FOXJ1: variants seen among roughly 807,000 people sequenced by gnomAD.
FOXJ1 encodes the protein forkhead box protein J1.
Under a neutral mutation model 29.3 loss-of-function variants are expected in FOXJ1, and 8 were observed. The observed-to-expected ratio is 0.27, with a 90% confidence interval of 0.16 to 0.49. FOXJ1 has a LOEUF of 0.49. FOXJ1 is among the 20% of genes least tolerant of loss of function. The pLI is 0.98. For synonymous variants in FOXJ1, 280 were observed against 278.7 expected (o/e 1.00, Z -0.05); for missense variants, 539 against 595.5 (o/e 0.91, Z 0.99).
Position 76,138,589 on chromosome 17 carries a change from A to C in FOXJ1, c.499-469T>G, listed in dbSNP as rs112174209. On this transcript the variant is annotated intron_variant, in intron 2 of 2. Transcript: ENST00000322957. ...GAGAGGAAGGGGGAGAGAGAGAGAG[A>C]GCGCGCAGGGATGAGAGGTGGGGGA... is the stretch of plus-strand genomic sequence containing the variant. 7.3e-3 allele frequency among the ~76,000 whole-genome samples: 1,104 copies of C among 151,244 alleles called. 13 individuals carry two copies. Among genetic ancestry groups the C allele is most frequent in the African/African-American group, 0.025 (1,046 of 41,152 alleles).
chr17:76,137,879 G>T lies in FOXJ1; in HGVS notation c.740C>A (p.Ala247Asp), dbSNP rs748243890. ...CTCGAACTCCCGCAGCAGCTGCTGG[G>T]CCTCGGTATTCACCGTCAGCGGCCC... ...RAGPLTVNTEAQQLLREFEEA... is the reference protein window; with the variant it reads ...RAGPLTVNTEDQQLLREFEEA... Residue 247 changes from alanine to aspartate, a missense_variant, in exon 3 of 3, where the codon GCC (alanine) becomes GAC (aspartate). Ala to Asp is a moderately radical substitution (Grantham distance 126). Transcript: ENST00000322957. The surrounding 1 kb of genome is among the most constrained non-coding windows in gnomAD (Gnocchi z 9.5). The T allele has an allele frequency of 1.3e-6, 2 of 1,580,710 alleles. No individual in the cohort carries two copies. Among genetic ancestry groups the T allele is most frequent in the Non-Finnish European group, 1.7e-6 (2 of 1,163,412 alleles).
chr17:76,140,147 C>T lies in FOXJ1; in HGVS notation c.249G>A (p.Gly83=), dbSNP rs368196253. ...TGGGCTTGCCCGGCGTGTGTGGCTGCCCCAGGCAGGCGGGGTCGGCCGCCA... is the reference window on the plus strand; with the variant it reads ...TGGGCTTGCCCGGCGTGTGTGGCTGTCCCAGGCAGGCGGGGTCGGCCGCCA... The part of the protein sequence containing the change: ...SPLAADPACL[G]QPHTPGKPTS... Residue 83 remains glycine (G), a synonymous_variant, in exon 2 of 3, where the codon GGG becomes GGA. Coordinates refer to ENST00000322957, the MANE Select transcript of FOXJ1 (RefSeq NM_001454.4). This position sits in a 1 kb window ranked among gnomAD's most constrained non-coding sequence, Gnocchi z 8.0. 14 of 1,546,466 alleles carry T rather than the reference C, an allele frequency of 9.1e-6. No individual in the cohort carries two copies. The South Asian group carries it at 9.5e-5, about 10-fold the overall frequency.
chr17:76,138,750 C>G (rs761700446), intron 2 of FOXJ1, among the ~76,000 whole-genome samples: 11 of 152,282 alleles, frequency 7.2e-5, no homozygotes, highest in East Asian at 1.9e-4. Context: ...TCCTGGGGCC[C>G]GTTTCTCGAA....
Position 76,136,491 on chromosome 17 carries a change from CA to C in FOXJ1, c.*861del, listed in dbSNP as rs1162919769. The C allele has an allele frequency of 3.3e-5, 5 of 152,164 alleles. No individual in the cohort carries two copies. The highest frequency in any genetic ancestry group is 1.2e-4 in the African/African-American group (5 of 41,398). The allele number at this position is 152,164 out of a possible 1,614,324, so 9.4% of individuals were successfully genotyped here. On this transcript the variant is annotated 3_prime_UTR_variant, in exon 3 of 3. Transcript: ENST00000322957. This position sits in a 1 kb window ranked among gnomAD's most constrained non-coding sequence, Gnocchi z 4.9. ...GCCCCACGCCCCCGAGGAGTGCAGG[CA>C]GGGGCGTGGGGTACCCCGCTTCTTG...
Position 76,139,767 on chromosome 17 carries a change from G to T in FOXJ1, c.498+131C>A. ...GTTGCAAGAACTGGGCTCCTTTGCA[G>T]GGCTCCCTTCTGGGGCGCTGGCCGC... On this transcript the variant is annotated intron_variant, in intron 2 of 2. Coordinates refer to ENST00000322957, the MANE Select transcript of FOXJ1 (RefSeq NM_001454.4). This position sits in a 1 kb window ranked among gnomAD's most constrained non-coding sequence, Gnocchi z 6.6. 1.1e-6 allele frequency: 1 copy of T among 937,404 alleles called. No homozygotes were observed. Among genetic ancestry groups the T allele is most frequent in the South Asian group, 1.6e-5 (1 of 61,198 alleles). 58.1% of individuals were successfully genotyped at this position (937,404 alleles called of 1,614,324 possible).
chr17:76,138,890 G>A (rs965866484), intron 2 of FOXJ1, among the ~76,000 whole-genome samples: 2 of 152,300 alleles, frequency 1.3e-5, no homozygotes, highest in Admixed American at 1.3e-4. Flanking sequence ...TGGCCTGCCC[G>A]CTTTGGGTGC....
At position 76,139,982 on chromosome 17, in the gene FOXJ1, C is replaced by G. The variant is rs200921194; in HGVS notation, c.414G>C (p.Lys138Asn). 7 of 1,613,784 alleles carry G rather than the reference C, an allele frequency of 4.3e-6. No individual in the cohort carries two copies. The East Asian group carries it at 1.6e-4, about 36-fold the overall frequency. ...TLICMAMQAS[K>N]ATKITLSAIY... is the part of the protein sequence containing the mutation. ...TGGCCGACAGGGTGATCTTGGTGGC[C>G]TTGCTGGCCTGCATGGCCATGCAGA... is the stretch of plus-strand genomic sequence containing the variant. Residue 138 changes from lysine (K) to asparagine (N), a missense_variant, in exon 2 of 3, where the codon AAG (lysine) becomes AAC (asparagine). By Grantham distance (94) the Lys-to-Asn change is moderately conservative. This residue lies in a region of FOXJ1 where 178 missense variants were observed against 254.4 expected (regional missense o/e 0.70). Coordinates refer to ENST00000322957, the MANE Select transcript of FOXJ1 (RefSeq NM_001454.4). The surrounding 1 kb of genome is among the most constrained non-coding windows in gnomAD (Gnocchi z 6.6).
Position 76,141,224 on chromosome 17 carries a change from C to G in FOXJ1, c.-280G>C, listed in dbSNP as rs2068517963. 6.6e-6 allele frequency: 1 copy of G among 152,382 alleles called. No homozygotes were observed. Among genetic ancestry groups the G allele is most frequent in the Non-Finnish European group, 1.5e-5 (1 of 68,182 alleles). The allele number at this position is 152,382 out of a possible 1,614,324, so 9.4% of individuals were successfully genotyped here. A position where few individuals can be genotyped will look rare whatever the true frequency, so the allele number is the denominator to read the frequency against. On this transcript the variant is annotated 5_prime_UTR_variant, in exon 1 of 3. Transcript: ENST00000322957. The surrounding 1 kb of genome is among the most constrained non-coding windows in gnomAD (Gnocchi z 4.2). Reference sequence around the variant, plus strand: ...GCCCTGCCAGCGCCTCTTGCCGCCCCCCCGCCCGACGGCGCTTCTCTGAGC... The same window carrying G: ...GCCCTGCCAGCGCCTCTTGCCGCCCGCCCGCCCGACGGCGCTTCTCTGAGC...
Position 76,138,046 on chromosome 17 carries a change from C to T in FOXJ1, c.573G>A (p.Lys191=), listed in dbSNP as rs1183948468. 1 of 1,613,960 alleles carries T rather than the reference C, an allele frequency of 6.2e-7. No individual in the cohort carries two copies. Among genetic ancestry groups the T allele is most frequent in the Non-Finnish European group, 8.5e-7 (1 of 1,180,018 alleles). The part of the protein sequence containing the change: ...KVPREKDEPG[K]GGFWRIDPQY... ...GGGGGTCAATGCGCCAGAAGCCCCC[C>T]TTGCCTGGTTCGTCCTTCTCCCGAG... Residue 191 remains lysine, a synonymous_variant, in exon 3 of 3, where the codon AAG becomes AAA. Coordinates refer to ENST00000322957, the MANE Select transcript of FOXJ1 (RefSeq NM_001454.4).
chr17:76,137,607 G>C lies in FOXJ1; in HGVS notation c.1012C>G (p.Pro338Ala). 1 of 1,604,298 alleles carries C rather than the reference G, an allele frequency of 6.2e-7. No homozygotes were observed. The change falls in exon 3 of 3, where the codon CCC (proline) becomes GCC (alanine). Residue 338 changes from proline (P) to alanine (A), a missense_variant. This residue lies in a region of FOXJ1 where 302 missense variants were observed against 293.6 expected (regional missense o/e 1.03). Coordinates refer to ENST00000322957, the MANE Select transcript of FOXJ1 (RefSeq NM_001454.4). The surrounding 1 kb of genome is among the most constrained non-coding windows in gnomAD (Gnocchi z 9.5). ...EALELSPPLS[P>A]ASHVDVDLTI... ...AGGTCCACGTCCACGTGTGAGGCGG[G>C]GCTCAGAGGCGGGCTCAGCTCCAGG...
At chr17:76,138,228 G>C (rs2068492641) in intron 2 of FOXJ1, 108 bp from the exon 3 acceptor site, 1 of 1,210,098 alleles carries the variant, frequency 8.3e-7, no homozygotes, top group Non-Finnish European at 1.2e-6. Flanking sequence ...TTCTCTGGCA[G>C]GGGAGAGGAG....
Position 76,137,803 on chromosome 17 carries a change from A to G in FOXJ1, c.816T>C (p.His272=), listed in dbSNP as rs1212555623. The change falls in exon 3 of 3, where the codon CAT becomes CAC. Residue 272 remains histidine (H), a synonymous_variant. Coordinates refer to ENST00000322957, the MANE Select transcript of FOXJ1 (RefSeq NM_001454.4). This position sits in a 1 kb window ranked among gnomAD's most constrained non-coding sequence, Gnocchi z 9.5. ...GWGAGEGRLG[H]KRKQPLPKRV... is the part of the protein sequence containing the mutation. ...GCTTGGGCAGCGGCTGTTTGCGCTTATGCCCCAGCCTGCCCTCGCCTGCAC... is the reference window on the plus strand; with the variant it reads ...GCTTGGGCAGCGGCTGTTTGCGCTTGTGCCCCAGCCTGCCCTCGCCTGCAC... The G allele has an allele frequency of 6.2e-7, 1 of 1,605,186 alleles. No homozygotes were observed. Among genetic ancestry groups the G allele is most frequent in the Non-Finnish European group, 8.5e-7 (1 of 1,176,606 alleles).
Position 76,137,465 on chromosome 17 carries a change from G to C in FOXJ1, c.1154C>G (p.Pro385Arg), listed in dbSNP as rs1275053072. 6.4e-7 allele frequency: 1 copy of C among 1,566,068 alleles called. No homozygotes were observed. Among genetic ancestry groups the C allele is most frequent in the Non-Finnish European group, 8.6e-7 (1 of 1,157,950 alleles). Residue 385 changes from proline (P) to arginine (R), a missense_variant, in exon 3 of 3, where the codon CCC becomes CGC. Physicochemically the swap from Pro to Arg is moderately radical, Grantham distance 103. Around this residue, in one of 3 missense-constraint regions of FOXJ1, gnomAD observed 302 missense variants for 293.6 expected, o/e 1.03. Transcript: ENST00000322957. This position sits in a 1 kb window ranked among gnomAD's most constrained non-coding sequence, Gnocchi z 9.5. ...TFLATSFLQHPWDESGSGCLP... is the reference protein window; with the variant it reads ...TFLATSFLQHRWDESGSGCLP... ...GCAGCCACTGCCGCTCTCGTCCCAG[G>C]GGTGCTGCAGGAAGGATGTGGCCAG...
chr17:76,139,717 C>G lies in FOXJ1; in HGVS notation c.498+181G>C, dbSNP rs993206562. On this transcript the variant is annotated intron_variant, in intron 2 of 2. Transcript: ENST00000322957. The surrounding 1 kb of genome is among the most constrained non-coding windows in gnomAD (Gnocchi z 6.6). ...GACATTCTCCCTTCTCTCTCTCTCT[C>G]TCTCTGGAAGTCAAAGGAGGGGCAG... is the stretch of plus-strand genomic sequence containing the variant. Among the ~76,000 whole-genome samples the G allele has an allele frequency of 3.3e-5, 5 of 152,316 alleles. No homozygotes were observed. Among genetic ancestry groups the G allele is most frequent in the South Asian group, 4.1e-4 (2 of 4,830 alleles).
rs2068516865 is a variant in FOXJ1 at position 76,141,159 on chromosome 17, T to C, written c.-215A>G. The C allele has an allele frequency of 6.6e-6, 1 of 152,282 alleles. No individual in the cohort carries two copies. Among genetic ancestry groups the C allele is most frequent in the Non-Finnish European group, 1.5e-5 (1 of 68,138 alleles). 9.4% of individuals were successfully genotyped at this position (152,282 alleles called of 1,614,324 possible). A position where few individuals can be genotyped will look rare whatever the true frequency, so the allele number is the denominator to read the frequency against. Reference sequence around the variant, plus strand: ...GGCCAGAGGAAGGTTCTGGAAGAAGTTGCTCCCACCCCCTGCGGCTCTCTG... The same window carrying C: ...GGCCAGAGGAAGGTTCTGGAAGAAGCTGCTCCCACCCCCTGCGGCTCTCTG... On this transcript the variant is annotated 5_prime_UTR_variant, in exon 1 of 3. Coordinates refer to ENST00000322957, the MANE Select transcript of FOXJ1 (RefSeq NM_001454.4). This position sits in a 1 kb window ranked among gnomAD's most constrained non-coding sequence, Gnocchi z 4.2.
rs1168579889 is a variant in FOXJ1 at position 76,140,780 on chromosome 17, AG to A, written c.-169-217del. 5.4e-6 allele frequency: 1 copy of A among 185,656 alleles called. No individual in the cohort carries two copies. Among genetic ancestry groups the A allele is most frequent in the Non-Finnish European group, 1.1e-5 (1 of 90,494 alleles). The allele number at this position is 185,656 out of a possible 1,614,324, so 11.5% of individuals were successfully genotyped here. On this transcript the variant is annotated intron_variant, in intron 1 of 2. Coordinates refer to ENST00000322957, the MANE Select transcript of FOXJ1 (RefSeq NM_001454.4). This position sits in a 1 kb window ranked among gnomAD's most constrained non-coding sequence, Gnocchi z 8.0. ...GTTTTATTAGCCAAATGAAGAGGGTAGGGGCATCCGAGGCTATCCTTTTCTC... is the reference window on the plus strand; with the variant it reads ...GTTTTATTAGCCAAATGAAGAGGGTAGGGCATCCGAGGCTATCCTTTTCTC...
Position 76,138,932 on chromosome 17 carries a change from C to T in FOXJ1, c.499-812G>A, listed in dbSNP as rs565714152. Among the ~76,000 whole-genome samples, 14 of 152,310 alleles carry T rather than the reference C, an allele frequency of 9.2e-5. No individual in the cohort carries two copies. The East Asian group carries it at 2.7e-3, about 29-fold the overall frequency. On this transcript the variant is annotated intron_variant, in intron 2 of 2. Coordinates refer to ENST00000322957, the MANE Select transcript of FOXJ1 (RefSeq NM_001454.4). Reference sequence around the variant, plus strand: ...GAAGAGTCTGGGCGTCCTTGGGGGGCCCCTGACTCCAACTAGCCCTTGATG... The same window carrying T: ...GAAGAGTCTGGGCGTCCTTGGGGGGTCCCTGACTCCAACTAGCCCTTGATG...
rs535872472 is a variant in FOXJ1 at position 76,137,699 on chromosome 17, C to A, written c.920G>T (p.Gly307Val). The change falls in exon 3 of 3, where the codon GGC (glycine) becomes GTC (valine). Residue 307 changes from glycine to valine, a missense_variant. By Grantham distance (109) the Gly-to-Val change is moderately radical (BLOSUM62 -3). Coordinates refer to ENST00000322957, the MANE Select transcript of FOXJ1 (RefSeq NM_001454.4). This position sits in a 1 kb window ranked among gnomAD's most constrained non-coding sequence, Gnocchi z 9.5. ...GAAGATGGCCTCCCAGTCAAAGTTG[C>A]CTTTGAGGGGTTCCAGCTCACCCTG... ...EEQGELEPLK[G>V]NFDWEAIFDA... The A allele has an allele frequency of 6.2e-7, 1 of 1,612,522 alleles. No homozygotes were observed. The highest frequency in any genetic ancestry group is 8.5e-7 in the Non-Finnish European group (1 of 1,179,672).
rs764829990 is a variant in FOXJ1, at chr17:76,140,119, A to G, written c.277T>C (p.Ser93Pro). 2 of 1,588,176 alleles carry G rather than the reference A, an allele frequency of 1.3e-6. No homozygotes were observed. The highest frequency in any genetic ancestry group is 2.3e-5 in the East Asian group (1 of 43,636). Reference sequence around the variant, plus strand: ...GGCGCGCTCCGCGACGTGCACGACGACGTGGGCTTGCCCGGCGTGTGTGGC... The same window carrying G: ...GGCGCGCTCCGCGACGTGCACGACGGCGTGGGCTTGCCCGGCGTGTGTGGC... The part of the protein sequence containing the change: ...GQPHTPGKPT[S>P]SCTSRSAPPG... The change falls in exon 2 of 3, where the codon TCG becomes CCG. Residue 93 changes from serine to proline, a missense_variant. Coordinates refer to ENST00000322957, the MANE Select transcript of FOXJ1 (RefSeq NM_001454.4). The surrounding 1 kb of genome is among the most constrained non-coding windows in gnomAD (Gnocchi z 8.0).
Sources: gnomAD v4.1 joint callset for allele counts (sites outside exome capture counted in the v4.1 genomes callset) on GRCh38, gnomAD v4.1.1 for gene constraint, gnomAD v4.1.1 regional missense constraint, Gnocchi (gnomAD v3.1) non-coding constraint, MANE v1.5 for transcripts, NCBI Gene and HGNC (gene_info 2026-07-23, HGNC 2026-07-21) for gene names.